MYO5A: variants seen among roughly 807,000 people sequenced by gnomAD.
The protein encoded by MYO5A is myosin VA.
Under a neutral mutation model 249.7 loss-of-function variants are expected in MYO5A, and 98 were observed. That is an observed-to-expected ratio of 0.39 (90% CI 0.33 to 0.46). MYO5A has a LOEUF of 0.46. MYO5A is among the 20% of genes least tolerant of loss of function. The pLI, the probability that MYO5A is intolerant of heterozygous loss-of-function variation, is 0.98. For synonymous variants in MYO5A, 778 were observed against 810.6 expected (o/e 0.96, Z 0.68); for missense variants, 1,696 against 2,308.8 (o/e 0.73, Z 5.44).
Position 52,370,306 on chromosome 15 carries a change from C to T in MYO5A, c.2929G>A (p.Glu977Lys), listed in dbSNP as rs373690028. ...DLERLQLSEE[E>K]AKVATGRVLS... ...ACCCGCCCAGTGGCAACTTTCGCTTCCTCTTCACTTAGTTGAAGACGTTCT... is the reference window on the plus strand; with the variant it reads ...ACCCGCCCAGTGGCAACTTTCGCTTTCTCTTCACTTAGTTGAAGACGTTCT... The change falls in exon 22 of 42, where the codon GAA becomes AAA. Residue 977 changes from glutamate to lysine, a missense_variant. Transcript: ENST00000399233. The T allele has an allele frequency of 7.4e-6, 12 of 1,614,044 alleles. No homozygotes were observed. The highest frequency in any genetic ancestry group is 1.6e-4 in the Middle Eastern group (1 of 6,084).
chr15:52,429,543 T>A (rs1253712442), intron 2 of MYO5A, among the ~76,000 whole-genome samples: 1 of 151,620 alleles, frequency 6.6e-6, no homozygotes. Context: ...TCAAAAATTA[T>A]CCAGGCGTGG....
intron 1 of MYO5A, among the ~76,000 whole-genome samples, chr15:52,508,280 A>G (rs1454422003): frequency 6.6e-6 from 1 of 152,152 alleles, no homozygotes; most frequent in African/African-American, 2.4e-5. Context: ...TGTTTCAATC[A>G]TATCTTTCAA....
intron 36 of MYO5A, among the ~76,000 whole-genome samples, chr15:52,325,712 C>T (rs1241932986): frequency 1.3e-5 from 2 of 151,842 alleles, no homozygotes; most frequent in Non-Finnish European, 2.9e-5. Context: ...CACTTTTAAA[C>T]AAAATAACTC....
chr15:52,429,681 T>C (rs891970059), intron 2 of MYO5A, among the ~76,000 whole-genome samples: 1 of 137,568 alleles, frequency 7.3e-6, no homozygotes, highest in African/African-American at 2.6e-5. Context: ...AGAGCGAGAC[T>C]CCATCTCAAA....
intron 1 of MYO5A, among the ~76,000 whole-genome samples, chr15:52,444,017 C>T (rs1375265231): frequency 6.6e-6 from 1 of 151,988 alleles, no homozygotes; most frequent in Non-Finnish European, 1.5e-5. Flanking sequence ...CAAGTCAGCT[C>T]CCTCCAGACA....
chr15:52,387,973 T>A lies in MYO5A; in HGVS notation c.1669-61A>T. On this transcript the variant is annotated intron_variant, in intron 13 of 41. Coordinates refer to ENST00000399233, the MANE Select transcript of MYO5A (RefSeq NM_001382347.1). Reference sequence around the variant, plus strand: ...AACTTTTGAATAGATATTATAATCATCAATAATAAGAATCTTTATTAGTCT... The same window carrying A: ...AACTTTTGAATAGATATTATAATCAACAATAATAAGAATCTTTATTAGTCT... 2.5e-6 allele frequency: 3 copies of A among 1,177,584 alleles called. 1 individual carries two copies. Among genetic ancestry groups the A allele is most frequent in the South Asian group, 2.5e-5 (2 of 80,826 alleles). 72.9% of individuals were successfully genotyped at this position (1,177,584 alleles called of 1,614,324 possible).
chr15:52,396,438 C>A, intron 10 of MYO5A, 41 bp from the exon 11 acceptor site: 1 of 1,193,488 alleles, frequency 8.4e-7, no homozygotes, highest in Non-Finnish European at 1.2e-6. Flanking sequence ...AGAAAAGGAA[C>A]AAAAAGCTTT....
At chr15:52,449,083 C>T (rs2075960906) in intron 1 of MYO5A, among the ~76,000 whole-genome samples, 1 of 150,348 alleles carries the variant, frequency 6.7e-6, no homozygotes, top group Non-Finnish European at 1.5e-5. Context: ...ATTTTCCTGC[C>T]TCAGCCTCCT....
chr15:52,453,084 T>G (rs1322146338), intron 1 of MYO5A, among the ~76,000 whole-genome samples: 1 of 152,068 alleles, frequency 6.6e-6, no homozygotes, highest in Non-Finnish European at 1.5e-5. Flanking sequence ...GGTCATAGAA[T>G]ACCACATACA....
intron 1 of MYO5A, among the ~76,000 whole-genome samples, chr15:52,487,723 CAA>C (rs57515007): frequency 9.0e-4 from 79 of 87,650 alleles, no homozygotes; most frequent in African/African-American, 1.0e-3. Flanking sequence ...GACTCTGTCT[CAA>C]AAAAAAAAAA....
intron 31 of MYO5A, among the ~76,000 whole-genome samples, chr15:52,340,989 TA>T (rs112962197): frequency 2.6e-4 from 38 of 145,622 alleles, no homozygotes; most frequent in Admixed American, 4.1e-4. Context: ...AATGAGGATG[TA>T]AAAAAAAAAA....
At chr15:52,420,171 T>G (rs935373801) in intron 4 of MYO5A, among the ~76,000 whole-genome samples, 1 of 151,936 alleles carries the variant, frequency 6.6e-6, no homozygotes, top group Non-Finnish European at 1.5e-5. Flanking sequence ...TGGGCATCAC[T>G]GCATATGCCT....
At chr15:52,342,470 C>A (rs986857249) in intron 31 of MYO5A, among the ~76,000 whole-genome samples, 1 of 152,170 alleles carries the variant, frequency 6.6e-6, no homozygotes, top group African/African-American at 2.4e-5. Context: ...AATCTCTCCC[C>A]CAATAGTTTG....
At position 52,433,203 on chromosome 15, in the gene MYO5A, A is replaced by T; in HGVS notation, c.110T>A (p.Val37Asp). 6.2e-7 allele frequency: 1 copy of T among 1,612,948 alleles called. No individual in the cohort carries two copies. The highest frequency in any genetic ancestry group is 8.5e-7 in the Non-Finnish European group (1 of 1,179,020). Residue 37 changes from valine to aspartate, a missense_variant, in exon 2 of 42, where the codon GTC becomes GAC. Val to Asp is a radical substitution (Grantham distance 152). Transcript: ENST00000399233. Reference sequence around the variant, plus strand: ...TCCTTCCTCGAGGTGAAGCAGGAGGACTTTATCTCCTGGCTTATAATCTTT... The same window carrying T: ...TCCTTCCTCGAGGTGAAGCAGGAGGTCTTTATCTCCTGGCTTATAATCTTT... ...LLKDYKPGDK[V>D]LLLHLEEGKD...
At chr15:52,439,408 C>T (rs2075738522) in intron 1 of MYO5A, among the ~76,000 whole-genome samples, 2 of 152,340 alleles carry the variant, frequency 1.3e-5, no homozygotes, top group South Asian at 4.1e-4. Context: ...AAACATCTCA[C>T]TTATGCTACC....
chr15:52,427,127 AT>A (rs2075412749), intron 3 of MYO5A, among the ~76,000 whole-genome samples: 1 of 149,378 alleles, frequency 6.7e-6, no homozygotes, highest in Non-Finnish European at 1.5e-5. Flanking sequence ...TGAGTTACAT[AT>A]AATTGTTTTT....
At chr15:52,396,123 A>G (rs1227500618) in intron 11 of MYO5A, among the ~76,000 whole-genome samples, 193 bp downstream of exon 11, 1 of 152,242 alleles carries the variant, frequency 6.6e-6, no homozygotes. Context: ...ACTGCAATCC[A>G]AGGATAACCT....
chr15:52,331,706 T>C (rs925051333), intron 34 of MYO5A: 3 of 985,348 alleles, frequency 3.0e-6, no homozygotes, highest in Non-Finnish European at 3.6e-6. Context: ...TACCTGCCAG[T>C]GCTCTTGCTT....
rs374282554 is a variant in MYO5A at position 52,358,756 on chromosome 15, C to A, written c.3423+1212G>T. Among the ~76,000 whole-genome samples, 4 of 151,948 alleles carry A rather than the reference C, an allele frequency of 2.6e-5. No individual in the cohort carries two copies. The East Asian group carries it at 7.7e-4, about 29-fold the overall frequency. On this transcript the variant is annotated intron_variant, in intron 25 of 41. Coordinates refer to ENST00000399233, the MANE Select transcript of MYO5A (RefSeq NM_001382347.1). Reference sequence around the variant, plus strand: ...AACAGAAGAACTCCCCAGTCAAATCCCACAGAATTATGAGTAATAATAAAT... The same window carrying A: ...AACAGAAGAACTCCCCAGTCAAATCACACAGAATTATGAGTAATAATAAAT...
Sources: allele counts gnomAD v4.1 joint callset (sites outside exome capture counted in the v4.1 genomes callset), GRCh38; gene constraint gnomAD v4.1.1; transcripts MANE v1.5; gene names NCBI Gene and HGNC (gene_info 2026-07-23, HGNC 2026-07-21).